CHST11: variants seen among roughly 807,000 people sequenced by gnomAD.
CHST11 encodes the protein C4S-1.
A neutral mutation model predicts 30.4 loss-of-function variants in CHST11; 9 were observed. The ratio of observed to expected loss-of-function variants is 0.30; its 90% CI spans 0.18 to 0.52. The LOEUF is 0.52. CHST11 is among the 20% of genes least tolerant of loss of function. The pLI, the probability that CHST11 is intolerant of heterozygous loss-of-function variation, is 0.97. For missense variants in CHST11, 348 were observed against 460.6 expected (o/e 0.76, Z 2.24); for synonymous variants, 152 against 187.8 (o/e 0.81, Z 1.56).
At chr12:104,756,532 G>GGTGGGTGTGTGT in intron 2 of CHST11, among the ~76,000 whole-genome samples, 1 of 143,398 alleles carries the variant, frequency 7.0e-6, no homozygotes, top group South Asian at 2.3e-4. Context: ...ATCCATGTGG[G>GGTGGGTGTGTGT]GTGTGTGTGT....
At chr12:104,535,219 T>G (rs2038225626) in intron 1 of CHST11, among the ~76,000 whole-genome samples, 1 of 152,200 alleles carries the variant, frequency 6.6e-6, no homozygotes, top group Non-Finnish European at 1.5e-5. Context: ...GTCCTTGATA[T>G]TCTCATAGAG....
Position 104,601,888 on chromosome 12 carries a change from T to C in CHST11, c.119-18T>C. On this transcript the variant is annotated intron_variant, in intron 1 of 2. Transcript: ENST00000303694. ...CTTTGTTGCTCATTTCTGATGAGCC[T>C]TCACTTTCTTTCCTCAGTCATGCGG... 1 of 1,602,306 alleles carries C rather than the reference T, an allele frequency of 6.2e-7. No homozygotes were observed. Among genetic ancestry groups the C allele is most frequent in the Middle Eastern group, 1.7e-4 (1 of 6,042 alleles).
intron 1 of CHST11, among the ~76,000 whole-genome samples, chr12:104,487,045 C>T (rs761597203): frequency 1.4e-4 from 22 of 152,098 alleles, no homozygotes; most frequent in Non-Finnish European, 2.9e-4. Flanking sequence ...ATCCTTTGGT[C>T]GATACAGTAG....
intron 1 of CHST11, among the ~76,000 whole-genome samples, chr12:104,585,085 G>A (rs1029579684): frequency 2.1e-4 from 32 of 152,222 alleles, no homozygotes; most frequent in Admixed American, 2.1e-3. Context: ...TGAAATAGGG[G>A]TTTTGGTCCA....
intron 1 of CHST11, among the ~76,000 whole-genome samples, chr12:104,574,244 C>T (rs1417458515): frequency 6.6e-6 from 1 of 152,162 alleles, no homozygotes; most frequent in African/African-American, 2.4e-5. Context: ...GAAATAGGAA[C>T]ACTTTTACAC....
At chr12:104,476,358 A>C (rs1762902983) in intron 1 of CHST11, among the ~76,000 whole-genome samples, 1 of 151,530 alleles carries the variant, frequency 6.6e-6, no homozygotes, top group African/African-American at 2.4e-5. Flanking sequence ...AAGATATGTA[A>C]TATATGTGTG....
At chr12:104,513,986 G>C in intron 1 of CHST11, 2 of 694,738 alleles carry the variant, frequency 2.9e-6, no homozygotes, top group Non-Finnish European at 5.3e-6. Flanking sequence ...AGTGCTGTGG[G>C]CTTAGCAGGG....
chr12:104,705,830 G>C (rs916408824), intron 2 of CHST11, among the ~76,000 whole-genome samples: 4 of 151,746 alleles, frequency 2.6e-5, no homozygotes, highest in African/African-American at 7.3e-5. Flanking sequence ...CTGAGGCAGA[G>C]AATTGCCTGA....
In CHST11 at chr12:104,538,406, A is replaced by G. The variant is rs979992628; in HGVS notation, c.119-63500A>G. The stretch of plus-strand genomic sequence containing the variant: ...CTCTCAACATGAGTTATCACTGTTG[A>G]TGTTGACCTTCGTCTCTTGGCTAAG... On this transcript the variant is annotated intron_variant, in intron 1 of 2. Coordinates refer to ENST00000303694, the MANE Select transcript of CHST11 (RefSeq NM_018413.6). Among the ~76,000 whole-genome samples, 3 of 152,194 alleles carry G rather than the reference A, an allele frequency of 2.0e-5. No homozygotes were observed. In the East Asian group the frequency reaches 5.8e-4, roughly 29 times the overall value.
At chr12:104,533,205 G>A (rs2038203489) in intron 1 of CHST11, among the ~76,000 whole-genome samples, 1 of 152,216 alleles carries the variant, frequency 6.6e-6, no homozygotes, top group Admixed American at 6.5e-5. Flanking sequence ...ATCACATCAT[G>A]CTATAGTTAG....
intron 1 of CHST11, among the ~76,000 whole-genome samples, chr12:104,506,657 A>G (rs890670254): frequency 1.4e-4 from 21 of 152,268 alleles, no homozygotes; most frequent in South Asian, 6.2e-4. Flanking sequence ...ATTTACAGTG[A>G]TCACCTTGGG....
chr12:104,725,371 C>G (rs1197790890), intron 2 of CHST11, among the ~76,000 whole-genome samples: 2 of 152,132 alleles, frequency 1.3e-5, no homozygotes, highest in African/African-American at 4.8e-5. Flanking sequence ...GTTCTTCAGC[C>G]CAGCCTGGTC....
chr12:104,578,786 C>G (rs1490685634), intron 1 of CHST11, among the ~76,000 whole-genome samples: 1 of 152,164 alleles, frequency 6.6e-6, no homozygotes, highest in Non-Finnish European at 1.5e-5. Flanking sequence ...GATAGGAATT[C>G]TTGAGGAGGC....
intron 1 of CHST11, among the ~76,000 whole-genome samples, chr12:104,475,688 A>ATATATATATATATATATATTATT (rs1555226434): frequency 2.5e-5 from 2 of 78,466 alleles, no homozygotes; most frequent in Non-Finnish European, 5.8e-5. Context: ...ATATATATAT[A>ATATATATATATATATATATTATT]TATTTCTGAT....
intron 1 of CHST11, among the ~76,000 whole-genome samples, chr12:104,522,412 A>C (rs1280886858): frequency 2.0e-5 from 3 of 152,176 alleles, no homozygotes; most frequent in Non-Finnish European, 4.4e-5. Context: ...GTGGGTCTTC[A>C]TGTGGAGGTC....
rs923724453 is a variant in CHST11 at position 104,636,052 on chromosome 12, G to A, written c.204+34061G>A. Among the ~76,000 whole-genome samples the A allele has an allele frequency of 2.0e-5, 3 of 152,234 alleles. No homozygotes were observed. In the East Asian group the frequency reaches 5.8e-4, roughly 29 times the overall value. On this transcript the variant is annotated intron_variant, in intron 2 of 2. Coordinates refer to ENST00000303694, the MANE Select transcript of CHST11 (RefSeq NM_018413.6). ...TTATGTACTATAAGCTTGCCATGAG[G>A]TTTGACTCTGGATTGTGACCATGAT...
intron 1 of CHST11, among the ~76,000 whole-genome samples, chr12:104,546,124 T>A (rs1471395033): frequency 6.6e-6 from 1 of 152,052 alleles, no homozygotes; most frequent in Non-Finnish European, 1.5e-5. Context: ...GAATCATAAG[T>A]GATCCATTTT....
At chr12:104,556,562 C>T (rs1055511847) in intron 1 of CHST11, among the ~76,000 whole-genome samples, 1 of 152,188 alleles carries the variant, frequency 6.6e-6, no homozygotes, top group Non-Finnish European at 1.5e-5. Flanking sequence ...CGTTGGCAAT[C>T]CTTGGTGTTC....
intron 2 of CHST11, among the ~76,000 whole-genome samples, chr12:104,731,418 G>C (rs11112178): frequency 0.052 from 7,927 of 152,252 alleles, 689 homozygotes; most frequent in East Asian, 0.34. Context: ...AGACCTAAGA[G>C]AGTAAGTCCT....
Sources: allele counts gnomAD v4.1 joint callset (sites outside exome capture counted in the v4.1 genomes callset), GRCh38; gene constraint gnomAD v4.1.1; transcripts MANE v1.5; gene names NCBI Gene and HGNC (gene_info 2026-07-23, HGNC 2026-07-21).